Variants in TRPV5 observed in about 807,000 individuals in gnomAD.
TRPV5 encodes transient receptor potential cation channel subfamily V member 5, also known as calcium transport protein 2.
Under a neutral mutation model 74.1 loss-of-function variants are expected in TRPV5, and 66 were observed. That is an observed-to-expected ratio of 0.89 (90% CI 0.73 to 1.09). The LOEUF (loss-of-function observed/expected upper bound fraction) is 1.09, where lower values mean the gene tolerates loss of function less well. TRPV5 is among the 50% of genes least tolerant of loss of function. The pLI is 0.00. For synonymous variants in TRPV5, 399 were observed against 360.7 expected, an observed-to-expected ratio of 1.11 and a Z score of -1.20; for missense variants, 936 against 930.4, an observed-to-expected ratio of 1.01 and a Z score of -0.08.
chr7:142,908,647 G>T lies in TRPV5; in HGVS notation c.2057C>A (p.Ser686Tyr), dbSNP rs1042159902. The change falls in exon 15 of 15, where the codon TCC becomes TAC. Residue 686 changes from serine (S) to tyrosine (Y), a missense_variant. Transcript: ENST00000265310. Reference sequence around the variant, plus strand: ...CTGGGACGCGGTCCGGGACAGGGAGGAAGTTGGAAGAGCCAAAGAGGCTCT... The same window carrying T: ...CTGGGACGCGGTCCGGGACAGGGAGTAAGTTGGAAGAGCCAAAGAGGCTCT... ...LARASLALPTSSLSRTASQSS... is the reference protein window; with the variant it reads ...LARASLALPTYSLSRTASQSS... The T allele has an allele frequency of 6.2e-7, 1 of 1,614,232 alleles. No homozygotes were observed.
chr7:142,927,187 T>G (rs975026444), intron 7 of TRPV5, among the ~76,000 whole-genome samples: 2 of 152,204 alleles, frequency 1.3e-5, no homozygotes. Context: ...CTCTGTGACA[T>G]CTTCTCTGGT....
In TRPV5 at chr7:142,915,315, A is replaced by G; in HGVS notation, c.1278T>C (p.His426=). Residue 426 remains histidine (H), a synonymous_variant, in exon 10 of 15, where the codon CAT becomes CAC. Transcript: ENST00000265310. ...AATGAGGGGATACTCACATGATGACATGGAATGGCCCCCCAAGAATCGTCT... is the reference window on the plus strand; with the variant it reads ...AATGAGGGGATACTCACATGATGACGTGGAATGGCCCCCCAAGAATCGTCT... ...FGKTILGGPF[H]VIIITYASLV... 6.2e-7 allele frequency: 1 copy of G among 1,609,624 alleles called. No individual in the cohort carries two copies. The highest frequency in any genetic ancestry group is 8.5e-7 in the Non-Finnish European group (1 of 1,178,926).
intron 8 of TRPV5, among the ~76,000 whole-genome samples, chr7:142,916,018 T>C (rs960404433): frequency 2.6e-5 from 4 of 152,178 alleles, no homozygotes; most frequent in African/African-American, 9.7e-5. Flanking sequence ...TCAGGTTCCC[T>C]CACGGATCCG....
intron 13 of TRPV5, among the ~76,000 whole-genome samples, chr7:142,910,789 G>A (rs1195175633): frequency 3.9e-5 from 6 of 152,086 alleles, no homozygotes; most frequent in African/African-American, 7.2e-5. Context: ...ATGCAGCCCC[G>A]TCCTTCCTCG....
chr7:142,933,378 C>T lies in TRPV5; in HGVS notation c.82G>A (p.Asp28Asn). The change falls in exon 1 of 15, where the codon GAC (aspartate) becomes AAC (asparagine). Residue 28 changes from aspartate (D) to asparagine (N), a missense_variant. Coordinates refer to ENST00000265310, the MANE Select transcript of TRPV5 (RefSeq NM_019841.7). ...AGCTTGTCCAGGTGCTGGTCCCAGT[C>T]TTGTTCTCTGACCAGAAAGGAGGGC... The part of the protein sequence containing the change: ...LLPSFLVREQ[D>N]WDQHLDKLHM... 1 of 1,614,144 alleles carries T rather than the reference C, an allele frequency of 6.2e-7. No homozygotes were observed. The highest frequency in any genetic ancestry group is 8.5e-7 in the Non-Finnish European group (1 of 1,180,036).
Position 142,912,628 on chromosome 7 carries a change from C to T in TRPV5, c.1642G>A (p.Asp548Asn), listed in dbSNP as rs767309968. Reference protein sequence around the residue: ...LTVIDAPANYDVDLPFMFSIV... With the variant: ...LTVIDAPANYNVDLPFMFSIV... The stretch of plus-strand genomic sequence containing the variant: ...CTGAACATGAAGGGCAAGTCCACGT[C>T]GTAGTTGGCAGGTGCATCAATAACA... The change falls in exon 13 of 15, where the codon GAC becomes AAC. Residue 548 changes from aspartate (D) to asparagine (N), a missense_variant. Coordinates refer to ENST00000265310, the MANE Select transcript of TRPV5 (RefSeq NM_019841.7). The T allele has an allele frequency of 6.8e-6, 11 of 1,614,202 alleles. No homozygotes were observed. Among genetic ancestry groups the T allele is most frequent in the South Asian group, 5.5e-5 (5 of 91,082 alleles).
In TRPV5 at chr7:142,912,590, G is replaced by A. The variant is rs748628187; in HGVS notation, c.1680C>T (p.Phe560=). 1.4e-5 allele frequency: 22 copies of A among 1,614,122 alleles called. No homozygotes were observed. The highest frequency in any genetic ancestry group is 1.0e-4 in the Admixed American group (6 of 60,008). The change falls in exon 13 of 15, where the codon TTC becomes TTT. Residue 560 remains phenylalanine (F), a synonymous_variant. Coordinates refer to ENST00000265310, the MANE Select transcript of TRPV5 (RefSeq NM_019841.7). ...DLPFMFSIVN[F]AFTIIATLLM... is the part of the protein sequence containing the mutation. ...GCAGTGTGGCAATGATGGTGAAGGC[G>A]AAGTTGACAATGCTGAACATGAAGG...
At chr7:142,929,346 G>A in intron 4 of TRPV5, 82 bp downstream of exon 4, 1 of 1,572,156 alleles carries the variant, frequency 6.4e-7, no homozygotes, top group Non-Finnish European at 8.6e-7. Context: ...TGGAGCTGAA[G>A]GCAGGACCCT....
chr7:142,918,721 A>G (rs754597848), intron 8 of TRPV5, among the ~76,000 whole-genome samples: 1 of 152,196 alleles, frequency 6.6e-6, no homozygotes, highest in Non-Finnish European at 1.5e-5. Flanking sequence ...AAGAGCTAAA[A>G]GAAAGAAAAA....
rs562531806 is a variant in TRPV5, at chr7:142,915,379, G to A, written c.1214C>T (p.Pro405Leu). The A allele has an allele frequency of 3.1e-6, 5 of 1,607,108 alleles. No individual in the cohort carries two copies. In the African/African-American group the frequency reaches 6.7e-5, roughly 22 times the overall value. Residue 405 changes from proline to leucine, a missense_variant, in exon 10 of 15, where the codon CCA becomes CTA. Coordinates refer to ENST00000265310, the MANE Select transcript of TRPV5 (RefSeq NM_019841.7). Reference sequence around the variant, plus strand: ...AGAGGCACCAACCCTGAAGATGTCTGGAATCTGGGGAGAGGACGGCAAAGC... The same window carrying A: ...AGAGGCACCAACCCTGAAGATGTCTAGAATCTGGGGAGAGGACGGCAAAGC... The part of the protein sequence containing the change: ...GAVIILLLEI[P>L]DIFRVGASRY...
In TRPV5 at chr7:142,927,357, T is replaced by A. The variant is rs117427638; in HGVS notation, c.909+731A>T. Reference sequence around the variant, plus strand: ...AACTGTGTTGTATTTATTTCTGTACTGTTTGTTTCTTGTGCAGTGCCTGAC... The same window carrying A: ...AACTGTGTTGTATTTATTTCTGTACAGTTTGTTTCTTGTGCAGTGCCTGAC... On this transcript the variant is annotated intron_variant, in intron 7 of 14. Coordinates refer to ENST00000265310, the MANE Select transcript of TRPV5 (RefSeq NM_019841.7). Among the ~76,000 whole-genome samples, 1,252 of 152,352 alleles carry A rather than the reference T, an allele frequency of 8.2e-3. 1 individual carries two copies. Among genetic ancestry groups the A allele is most frequent in the Non-Finnish European group, 0.014 (920 of 68,022 alleles).
chr7:142,912,730 T>A lies in TRPV5; in HGVS notation c.1540A>T (p.Thr514Ser). 1 of 1,614,066 alleles carries A rather than the reference T, an allele frequency of 6.2e-7. No individual in the cohort carries two copies. The highest frequency in any genetic ancestry group is 8.5e-7 in the Non-Finnish European group (1 of 1,179,946). Reference protein sequence around the residue: ...FASAFYIIFQTEDPTSLGQFY... With the variant: ...FASAFYIIFQSEDPTSLGQFY... ...TGCCCCAGACTGGTTGGGTCCTCTG[T>A]CTGGAAAATGATATAGAACGCTGCT... is the stretch of plus-strand genomic sequence containing the variant. Residue 514 changes from threonine (T) to serine (S), a missense_variant, in exon 13 of 15, where the codon ACA becomes TCA. Physicochemically the swap from Thr to Ser is moderately conservative, Grantham distance 58 (BLOSUM62 1). Transcript: ENST00000265310.
intron 8 of TRPV5, 86 bp downstream of exon 8, chr7:142,925,443 G>A (rs1795967527): frequency 2.1e-6 from 3 of 1,418,464 alleles, no homozygotes; most frequent in South Asian, 1.2e-5. Context: ...CCAGAGCGTG[G>A]CATCGTCCCT....
intron 8 of TRPV5, among the ~76,000 whole-genome samples, chr7:142,918,153 C>T (rs566427827): frequency 8.5e-5 from 13 of 152,306 alleles, no homozygotes; most frequent in African/African-American, 3.1e-4. Context: ...GAATTAAACC[C>T]TAAGCCCAAA....
rs4252485 is a variant in TRPV5, at chr7:142,915,289, G to C, written c.1286+18C>G. ...TCTGGTAAGGAAAGGCAGGGGGCTG[G>C]AATGAGGGGATACTCACATGATGAC... On this transcript the variant is annotated intron_variant, in intron 10 of 14. Coordinates refer to ENST00000265310, the MANE Select transcript of TRPV5 (RefSeq NM_019841.7). The C allele has an allele frequency of 9.5e-4, 1,522 of 1,608,892 alleles. 15 individuals are homozygous for C. The African/African-American group carries it at 0.018, about 19-fold the overall frequency.
chr7:142,929,128 C>A lies in TRPV5; in HGVS notation c.488-8G>T, dbSNP rs767269380. 1.1e-5 allele frequency: 17 copies of A among 1,613,538 alleles called. No homozygotes were observed. Among genetic ancestry groups the A allele is most frequent in the Non-Finnish European group, 1.4e-5 (17 of 1,179,854 alleles). On this transcript the variant is annotated splice_polypyrimidine_tract_variant and splice_region_variant and intron_variant, in intron 4 of 14. Transcript: ENST00000265310. ...AGGACAAAGGGTGCTCCCCTGTGGA[C>A]ACAGAGAGATCCATGGCAGGAGAAC... is the stretch of plus-strand genomic sequence containing the variant.
In TRPV5 at chr7:142,915,692, C is replaced by G. The variant is rs572143085; in HGVS notation, c.1123-124G>C. 4 of 857,176 alleles carry G rather than the reference C, an allele frequency of 4.7e-6. No homozygotes were observed. In the East Asian group the frequency reaches 1.1e-4, roughly 23 times the overall value. 53.1% of individuals were successfully genotyped at this position (857,176 alleles called of 1,614,324 possible). Reference sequence around the variant, plus strand: ...AAACTCCCCTTCCCACCAGCATCACCCCACCCCCATTGTACTTGCCATTGT... The same window carrying G: ...AAACTCCCCTTCCCACCAGCATCACGCCACCCCCATTGTACTTGCCATTGT... On this transcript the variant is annotated intron_variant, in intron 8 of 14. Transcript: ENST00000265310.
intron 13 of TRPV5, 113 bp downstream of exon 13, chr7:142,912,369 G>A (rs1795713327): frequency 3.6e-6 from 5 of 1,400,356 alleles, no homozygotes; most frequent in Non-Finnish European, 9.7e-7. Flanking sequence ...TGAGGTGACA[G>A]CCTCACTGGG....
At chr7:142,927,707 C>T (rs532459696) in intron 7 of TRPV5, among the ~76,000 whole-genome samples, 2 of 152,294 alleles carry the variant, frequency 1.3e-5, no homozygotes, top group African/African-American at 2.4e-5. Flanking sequence ...CCCCATGATC[C>T]AATCACCTCC....
Sources: allele counts gnomAD v4.1 joint callset (sites outside exome capture counted in the v4.1 genomes callset), GRCh38; gene constraint gnomAD v4.1.1; transcripts MANE v1.5; gene names NCBI Gene and HGNC (gene_info 2026-07-23, HGNC 2026-07-21).